Variants in GGT1 observed in about 807,000 individuals in gnomAD.
GGT1 encodes glutathione hydrolase 1 proenzyme.
A neutral mutation model predicts 56.0 loss-of-function variants in GGT1; 21 were observed. The ratio of observed to expected loss-of-function variants is 0.38; its 90% confidence interval spans 0.27 to 0.54. The LOEUF is 0.54. Ranked by LOEUF, GGT1 falls within the 20% of genes least tolerant of loss-of-function variation. The pLI is 0.82. For synonymous variants in GGT1, 238 were observed against 342.6 expected (o/e 0.69, Z 3.37); for missense variants, 466 against 787.0 (o/e 0.59, Z 4.88).
At chr22:24,599,232 G>C (rs1466124148), upstream of GGT1, 2 of 152,310 alleles carry the variant, frequency 1.3e-5, no homozygotes, top group African/African-American at 4.8e-5. Context: ...TGCAGTGCCA[G>C]AGGGCTTCAG....
chr22:24,619,710 G>A (rs1207885365), intron 7 of GGT1, among the ~76,000 whole-genome samples: 2 of 152,082 alleles, frequency 1.3e-5, no homozygotes, highest in Non-Finnish European at 2.9e-5. Context: ...GGGGCTGGCT[G>A]TGTCTTGAAG....
chr22:24,628,092 C>G lies in GGT1; in HGVS notation c.1348C>G (p.Leu450Val). Residue 450 changes from leucine (L) to valine (V), a missense_variant, in exon 14 of 16, where the codon CTC becomes GTC. Physicochemically the swap from Leu to Val is conservative, Grantham distance 32. Around this residue, in one of 2 missense-constraint regions of GGT1, gnomAD observed 456 missense variants for 716.7 expected, o/e 0.64. Coordinates refer to ENST00000400382, the MANE Select transcript of GGT1 (RefSeq NM_001288833.2). This position sits in a 1 kb window ranked among gnomAD's most constrained non-coding sequence, Gnocchi z 5.7. Reference protein sequence around the residue: ...ANFIQPGKQPLSSMCPTIMVG... With the variant: ...ANFIQPGKQPVSSMCPTIMVG... ...CCCATCGGCCGCAGGGAAGCAGCCG[C>G]TCTCGTCCATGTGCCCGACGATCAT... The G allele has an allele frequency of 1.2e-6, 2 of 1,611,956 alleles. No homozygotes were observed. The highest frequency in any genetic ancestry group is 1.7e-6 in the Non-Finnish European group (2 of 1,179,844).
At chr22:24,600,780 C>A (rs1349141465), upstream of GGT1, among the ~76,000 whole-genome samples, 1 of 152,202 alleles carries the variant, frequency 6.6e-6, no homozygotes, top group Non-Finnish European at 1.5e-5. Context: ...TCTGGAGTGG[C>A]CCCTGCTTCT....
chr22:24,620,957 G>C lies in GGT1; in HGVS notation c.620G>C (p.Arg207Thr). ...AGAAAGGTGCTTCGGGAGGGGGAGA[G>C]ACTGACCCTGCCGCAGCTGGCTGAC... ...RDRKVLREGE[R>T]LTLPQLADTY... The change falls in exon 9 of 16, where the codon AGA becomes ACA. Residue 207 changes from arginine (R) to threonine (T), a missense_variant. By Grantham distance (71) the Arg-to-Thr change is moderately conservative. Around this residue, in one of 2 missense-constraint regions of GGT1, gnomAD observed 456 missense variants for 716.7 expected, o/e 0.64. Transcript: ENST00000400382. This position sits in a 1 kb window ranked among gnomAD's most constrained non-coding sequence, Gnocchi z 5.6. The C allele has an allele frequency of 6.2e-7, 1 of 1,612,008 alleles. No individual in the cohort carries two copies. Among genetic ancestry groups the C allele is most frequent in the South Asian group, 1.1e-5 (1 of 90,996 alleles).
chr22:24,625,692 C>A (rs1169663793), intron 11 of GGT1, among the ~76,000 whole-genome samples: 1 of 151,904 alleles, frequency 6.6e-6, no homozygotes, highest in African/African-American at 2.4e-5. Flanking sequence ...CAGGCGCCCG[C>A]CACACCGCCC....
At chr22:24,621,284 AAATG>A (rs1453287871) in intron 9 of GGT1, among the ~76,000 whole-genome samples, 54 of 152,156 alleles carry the variant, frequency 3.5e-4, no homozygotes, top group African/African-American at 1.3e-3. Context: ...CTGTTGGGGT[AAATG>A]CAGGTGTAGG....
upstream of GGT1, chr22:24,589,949 C>A: frequency 6.3e-7 from 1 of 1,591,664 alleles, no homozygotes; most frequent in South Asian, 1.1e-5. Flanking sequence ...AGGCCCAGGT[C>A]CTGTGAGTGG....
intron 7 of GGT1, among the ~76,000 whole-genome samples, chr22:24,616,796 C>T (rs1159195478): frequency 2.0e-5 from 3 of 152,152 alleles, no homozygotes; most frequent in African/African-American, 2.4e-5. Flanking sequence ...CCCCCGGCCT[C>T]GGCCTCCCAA....
At chr22:24,604,526 G>A (rs1208617266) in intron 1 of GGT1, among the ~76,000 whole-genome samples, 1 of 152,150 alleles carries the variant, frequency 6.6e-6, no homozygotes, top group Non-Finnish European at 1.5e-5. Context: ...GGAAGTGGGT[G>A]ATACTGACAC....
At chr22:24,604,033 G>T (rs1458436576) in intron 1 of GGT1, among the ~76,000 whole-genome samples, 1 of 152,046 alleles carries the variant, frequency 6.6e-6, no homozygotes, top group South Asian at 2.1e-4. Flanking sequence ...CTGATTCTCG[G>T]CTCTGTGCCG....
intron 5 of GGT1, among the ~76,000 whole-genome samples, chr22:24,613,640 C>T (rs145253389): frequency 0.02 from 2,986 of 151,850 alleles, 88 homozygotes; most frequent in African/African-American, 0.069. Flanking sequence ...ATCCCAGCTA[C>T]TCAGGAGGCT....
the GGT1 span, chr22:24,586,185 C>T: frequency 5.5e-5 from 88 of 1,613,626 alleles, no homozygotes; most frequent in Admixed American, 6.8e-4. Context: ...AGTCGGTTGC[C>T]GTTGAGCAGG....
upstream of GGT1, among the ~76,000 whole-genome samples, chr22:24,594,311 G>C (rs114582159): frequency 1.1e-3 from 174 of 152,216 alleles, 1 homozygote; most frequent in African/African-American, 3.9e-3. Flanking sequence ...TAGCCTGTGA[G>C]GACTGGTACC....
chr22:24,592,636 G>C, upstream of GGT1: 1 of 655,460 alleles, frequency 1.5e-6, no homozygotes, highest in Non-Finnish European at 2.4e-6. Context: ...ACGGTCCGCC[G>C]ACCTCACCCA....
In GGT1 at chr22:24,605,763, ATAT is replaced by A. The variant is rs1477807936; in HGVS notation, c.-428-2187_-428-2185del. 6.8e-4 allele frequency among the ~76,000 whole-genome samples: 49 copies of A among 72,404 alleles called. 3 individuals are homozygous for A. Among genetic ancestry groups the A allele is most frequent in the African/African-American group, 4.5e-3 (40 of 8,800 alleles). The allele number at this position is 72,404 out of a possible 152,430, so 47.5% of individuals were successfully genotyped here. On this transcript the variant is annotated intron_variant, in intron 1 of 15. Transcript: ENST00000400382. Reference sequence around the variant, plus strand: ...TATAATGTGTATTATATATTATATAATATTATATAATGTGTATTATATATTATA... The same window carrying A: ...TATAATGTGTATTATATATTATATAATATATAATGTGTATTATATATTATA...
At chr22:24,612,189 C>G (rs2046748755) in intron 5 of GGT1, among the ~76,000 whole-genome samples, 1 of 151,164 alleles carries the variant, frequency 6.6e-6, no homozygotes, top group African/African-American at 2.4e-5. Context: ...ATCCACCCAC[C>G]TGGGCCTCCC....
intron 9 of GGT1, among the ~76,000 whole-genome samples, chr22:24,622,423 G>A (rs371410367): frequency 1.3e-5 from 2 of 152,082 alleles, no homozygotes; most frequent in South Asian, 2.1e-4. Flanking sequence ...AATTAGCCAC[G>A]TGTGGTGGCG....
chr22:24,628,592 C>A lies in GGT1; in HGVS notation c.1564-101C>A, dbSNP rs1227656333. ...CAACCTGCTCTTCCTGATGACCTGG[C>A]CCGAAATGGCACCACCTGGGCTGAG... On this transcript the variant is annotated intron_variant, in intron 15 of 15. Coordinates refer to ENST00000400382, the MANE Select transcript of GGT1 (RefSeq NM_001288833.2). The surrounding 1 kb of genome is among the most constrained non-coding windows in gnomAD (Gnocchi z 5.7). The A allele has an allele frequency of 1.9e-6, 3 of 1,575,364 alleles. No homozygotes were observed. Among genetic ancestry groups the A allele is most frequent in the African/African-American group, 2.7e-5 (2 of 74,046 alleles).
At chr22:24,627,012 C>T (rs1320709445) in intron 11 of GGT1, among the ~76,000 whole-genome samples, 20 of 151,740 alleles carry the variant, frequency 1.3e-4, no homozygotes, top group Admixed American at 9.9e-4. Context: ...GCCCATACCT[C>T]ATGCCTCTTG....
Sources: allele counts gnomAD v4.1 joint callset (sites outside exome capture counted in the v4.1 genomes callset), GRCh38; gene constraint gnomAD v4.1.1; regional missense constraint gnomAD v4.1.1; non-coding constraint Gnocchi (gnomAD v3.1); transcripts MANE v1.5; gene names NCBI Gene and HGNC (gene_info 2026-07-23, HGNC 2026-07-21).